Variants in RGS22 observed in about 807,000 individuals in gnomAD.
The protein encoded by RGS22 is regulator of G-protein signaling 22.
In RGS22, 148 loss-of-function variants were observed where a neutral mutation model predicts 172.9. The ratio of observed to expected loss-of-function variants is 0.86; its 90% CI spans 0.75 to 0.98. RGS22 has a LOEUF of 0.98. Among genes scored for constraint, RGS22 ranks in the 50% least tolerant of loss-of-function variants. RGS22 has a pLI of 0.00. For missense variants in RGS22, 1,347 were observed against 1,440.8 expected (o/e 0.93, Z 1.05); for synonymous variants, 458 against 480.2 (o/e 0.95, Z 0.60).
At chr8:99,973,600 G>A (rs1259665702) in intron 23 of RGS22, among the ~76,000 whole-genome samples, 2 of 152,070 alleles carry the variant, frequency 1.3e-5, no homozygotes, top group Non-Finnish European at 2.9e-5. Flanking sequence ...GCCAGGCACC[G>A]TGGCTCATGC....
rs142245268 is a variant in RGS22, at chr8:100,075,560, G to C, written c.340-3330C>G. On this transcript the variant is annotated intron_variant, in intron 4 of 27. Coordinates refer to ENST00000360863, the MANE Select transcript of RGS22 (RefSeq NM_015668.5). ...ATAGCAACACAAATGGACTATAGATGGTATGGTATATGTTTAACTTGGAAA... is the reference window on the plus strand; with the variant it reads ...ATAGCAACACAAATGGACTATAGATCGTATGGTATATGTTTAACTTGGAAA... Among the ~76,000 whole-genome samples the C allele has an allele frequency of 1.6e-4, 25 of 152,198 alleles. No homozygotes were observed. In the East Asian group the frequency reaches 4.8e-3, roughly 29 times the overall value.
chr8:100,089,211 A>AACACACACACACACACACAC, intron 3 of RGS22, among the ~76,000 whole-genome samples: 1 of 144,612 alleles, frequency 6.9e-6, no homozygotes, highest in African/African-American at 2.5e-5. Context: ...CACACACACA[A>AACACACACACACACACACAC]ACACACACAC....
Position 100,071,407 on chromosome 8 carries a change from GA to G in RGS22, c.555del (p.Val187Ter), listed in dbSNP as rs771946178. 13 of 1,611,922 alleles carry G rather than the reference GA, an allele frequency of 8.1e-6. No homozygotes were observed. The Admixed American group carries it at 2.2e-4, about 27-fold the overall frequency. ...ACATAGAACTTTTTCATAATTACAA[GA>G]TTATCTTCTTCAGTGGCAGGAGGTG... Reference protein sequence around the residue: ...SLPPPATEEDNLVIMKKFYVS... With the variant: ...SLPPPATEEDXLVIMKKFYVS... On this transcript the variant is annotated frameshift_variant, in exon 6 of 28. Coordinates refer to ENST00000360863, the MANE Select transcript of RGS22 (RefSeq NM_015668.5). LOFTEE classifies it high-confidence loss of function.
At chr8:99,962,300 G>A (rs751372286) in intron 27 of RGS22, 94 bp downstream of exon 27, 7 of 777,330 alleles carry the variant, frequency 9.0e-6, no homozygotes, top group African/African-American at 1.7e-5. Context: ...TGTTATATGT[G>A]TGGTATGCTG....
chr8:99,991,308 C>T (rs1813692294), intron 20 of RGS22, among the ~76,000 whole-genome samples: 1 of 152,118 alleles, frequency 6.6e-6, no homozygotes, highest in African/African-American at 2.4e-5. Context: ...TTGGTAATAA[C>T]AAATTTCTCT....
In RGS22 at chr8:99,996,632, A is replaced by G. The variant is rs540794747; in HGVS notation, c.2950-102T>C. 8.1e-6 allele frequency: 8 copies of G among 984,174 alleles called. No individual in the cohort carries two copies. In the East Asian group the frequency reaches 1.7e-4, roughly 21 times the overall value. 61.0% of individuals were successfully genotyped at this position (984,174 alleles called of 1,614,324 possible). On this transcript the variant is annotated intron_variant, in intron 19 of 27. Transcript: ENST00000360863. ...AAAAATGAGATAAAGGTTAACTTGG[A>G]CAAGAGATAGTGAAGTTTAGGAGAA...
At position 100,105,978 on chromosome 8, in the gene RGS22, G is replaced by A. The variant is rs543271572; in HGVS notation, c.-57C>T. 9.8e-4 allele frequency: 1,335 copies of A among 1,357,718 alleles called. 9 individuals carry two copies. In the African/African-American group the frequency reaches 0.019, roughly 20 times the overall value. 84.1% of individuals were successfully genotyped at this position (1,357,718 alleles called of 1,614,324 possible). ...GCGGGCCGTCAGGGCCCTAGCGCGC[G>A]GGTCCAGCGCGGGTCAGGGCCTGAG... On this transcript the variant is annotated 5_prime_UTR_variant, in exon 1 of 28. Transcript: ENST00000360863.
At chr8:100,020,162 G>A (rs1213728387) in intron 14 of RGS22, among the ~76,000 whole-genome samples, 1 of 152,098 alleles carries the variant, frequency 6.6e-6, no homozygotes, top group African/African-American at 2.4e-5. Context: ...GGGATTACAG[G>A]TGTGAGCCAC....
intron 14 of RGS22, among the ~76,000 whole-genome samples, chr8:100,027,513 C>T (rs1818311672): frequency 6.6e-6 from 1 of 152,108 alleles, no homozygotes. Context: ...GATGGAGTCT[C>T]ACTCTGTTGC....
chr8:99,981,536 G>A (rs1812546655), intron 22 of RGS22, among the ~76,000 whole-genome samples: 1 of 151,940 alleles, frequency 6.6e-6, no homozygotes, highest in Admixed American at 6.6e-5. Flanking sequence ...TTTATTTACT[G>A]TATATGATCA....
chr8:100,028,919 G>A (rs748762288), intron 14 of RGS22, among the ~76,000 whole-genome samples: 14 of 152,246 alleles, frequency 9.2e-5, no homozygotes, highest in Admixed American at 2.0e-4. Context: ...TGATTTGTAC[G>A]TGATTACATG....
At chr8:99,972,511 G>A (rs1811470029) in intron 23 of RGS22, among the ~76,000 whole-genome samples, 1 of 152,082 alleles carries the variant, frequency 6.6e-6, no homozygotes, top group African/African-American at 2.4e-5. Flanking sequence ...ATCTGACAGA[G>A]GTCTAATATC....
intron 11 of RGS22, among the ~76,000 whole-genome samples, 163 bp downstream of exon 11, chr8:100,047,300 A>C (rs1016468821): frequency 6.6e-6 from 1 of 152,232 alleles, no homozygotes; most frequent in African/African-American, 2.4e-5. Flanking sequence ...CTCCTAATTT[A>C]GAGTATTCAT....
intron 4 of RGS22, among the ~76,000 whole-genome samples, chr8:100,078,980 T>G (rs1479081161): frequency 6.6e-6 from 1 of 152,226 alleles, no homozygotes; most frequent in Non-Finnish European, 1.5e-5. Flanking sequence ...TGCTCTAGTT[T>G]TATAATAGAC....
chr8:100,020,572 C>T lies in RGS22; in HGVS notation c.2167-12003G>A, dbSNP rs1451485200. Among the ~76,000 whole-genome samples, 13 of 152,258 alleles carry T rather than the reference C, an allele frequency of 8.5e-5. No homozygotes were observed. In the South Asian group the frequency reaches 2.5e-3, roughly 29 times the overall value. On this transcript the variant is annotated intron_variant, in intron 14 of 27. Coordinates refer to ENST00000360863, the MANE Select transcript of RGS22 (RefSeq NM_015668.5). ...AAAATGGAGAGGATTCACAGTGATGCTTTTCTTGTTATTACTTCTCTTCCT... is the reference window on the plus strand; with the variant it reads ...AAAATGGAGAGGATTCACAGTGATGTTTTTCTTGTTATTACTTCTCTTCCT...
Position 100,105,994 on chromosome 8 carries a change from A to T in RGS22, c.-73T>A. The T allele has an allele frequency of 8.1e-7, 1 of 1,235,486 alleles. No homozygotes were observed. The highest frequency in any genetic ancestry group is 1.0e-6 in the Non-Finnish European group (1 of 990,174). 76.5% of individuals were successfully genotyped at this position (1,235,486 alleles called of 1,614,324 possible). A position where few individuals can be genotyped will look rare whatever the true frequency, so the allele number is the denominator to read the frequency against. ...CTAGCGCGCGGGTCCAGCGCGGGTC[A>T]GGGCCTGAGCGACGCGGCGACGGCG... On this transcript the variant is annotated 5_prime_UTR_variant, in exon 1 of 28. Coordinates refer to ENST00000360863, the MANE Select transcript of RGS22 (RefSeq NM_015668.5).
chr8:100,028,663 C>G (rs938660373), intron 14 of RGS22, among the ~76,000 whole-genome samples: 1 of 152,034 alleles, frequency 6.6e-6, no homozygotes, highest in Non-Finnish European at 1.5e-5. Context: ...TAAAAAACCC[C>G]ACTAAAAAGC....
intron 22 of RGS22, among the ~76,000 whole-genome samples, chr8:99,981,384 C>A (rs1235498324): frequency 1.3e-5 from 2 of 152,004 alleles, no homozygotes; most frequent in African/African-American, 4.8e-5. Flanking sequence ...AATCTTGGGA[C>A]ACACATATTT....
At chr8:99,996,982 C>T (rs1301737966) in intron 19 of RGS22, among the ~76,000 whole-genome samples, 1 of 152,164 alleles carries the variant, frequency 6.6e-6, no homozygotes, top group Non-Finnish European at 1.5e-5. Context: ...TCATAACAAA[C>T]CTGTGCTATT....
Sources: gnomAD v4.1 joint callset for allele counts (sites outside exome capture counted in the v4.1 genomes callset) on GRCh38, gnomAD v4.1.1 for gene constraint, MANE v1.5 for transcripts, NCBI Gene and HGNC (gene_info 2026-07-23, HGNC 2026-07-21) for gene names.